TMEM131L: variants seen among roughly 807,000 people sequenced by gnomAD.
TMEM131L encodes the protein transmembrane protein 131-like.
A neutral mutation model predicts 192.2 loss-of-function variants in TMEM131L; 54 were observed. The observed-to-expected ratio is 0.28, with a 90% CI of 0.23 to 0.35. TMEM131L has a LOEUF of 0.35. TMEM131L is among the 10% of genes least tolerant of loss of function. TMEM131L has a pLI of 1.00. For synonymous variants in TMEM131L, 701 were observed against 704.9 expected, an observed-to-expected ratio of 0.99 and a Z score of 0.09; for missense variants, 1,888 against 1,972.9, an observed-to-expected ratio of 0.96 and a Z score of 0.82.
intron 3 of TMEM131L, among the ~76,000 whole-genome samples, chr4:153,499,951 A>C (rs557180238): frequency 6.6e-6 from 1 of 151,096 alleles, no homozygotes; most frequent in Non-Finnish European, 1.5e-5. Flanking sequence ...GTTTTACCTA[A>C]ATTTTTTTTT....
At chr4:153,534,917 G>C (rs781737598) in intron 3 of TMEM131L, among the ~76,000 whole-genome samples, 2 of 152,234 alleles carry the variant, frequency 1.3e-5, no homozygotes, top group African/African-American at 2.4e-5. Flanking sequence ...GACCTGGAGA[G>C]GGGTGTGGAG....
At chr4:153,566,745 A>G (rs9991772) in intron 7 of TMEM131L, among the ~76,000 whole-genome samples, 9,834 of 152,258 alleles carry the variant, frequency 0.065, 930 homozygotes, top group African/African-American at 0.2. Context: ...GTCTCCTTGC[A>G]GTGTTTTTTC....
intron 7 of TMEM131L, among the ~76,000 whole-genome samples, chr4:153,574,226 C>A (rs576076628): frequency 6.6e-6 from 1 of 152,104 alleles, no homozygotes; most frequent in Non-Finnish European, 1.5e-5. Context: ...TCAGCCACTT[C>A]CTAGGTTTTT....
At chr4:153,475,746 A>G (rs1364703633) in intron 3 of TMEM131L, among the ~76,000 whole-genome samples, 2 of 152,216 alleles carry the variant, frequency 1.3e-5, no homozygotes, top group African/African-American at 4.8e-5. Context: ...TTAATACAGT[A>G]TAAAAACTAT....
chr4:153,621,649 G>A (rs749968357), intron 27 of TMEM131L, 34 bp from the exon 28 acceptor site: 22 of 1,606,610 alleles, frequency 1.4e-5, no homozygotes, highest in Non-Finnish European at 1.9e-5. Flanking sequence ...ATAAAATACA[G>A]ATGTGTTTTT....
chr4:153,493,766 T>G (rs1242185780), intron 3 of TMEM131L, among the ~76,000 whole-genome samples: 1 of 152,190 alleles, frequency 6.6e-6, no homozygotes, highest in Non-Finnish European at 1.5e-5. Flanking sequence ...ATGCCTTAGT[T>G]TGCCCCTCTC....
intron 3 of TMEM131L, among the ~76,000 whole-genome samples, chr4:153,513,132 T>C (rs1734476403): frequency 6.6e-6 from 1 of 152,204 alleles, no homozygotes; most frequent in Non-Finnish European, 1.5e-5. Flanking sequence ...GGTCAGGGTA[T>C]TCTGTGGTCT....
At chr4:153,565,714 G>A (rs1006515015) in intron 7 of TMEM131L, among the ~76,000 whole-genome samples, 1 of 148,624 alleles carries the variant, frequency 6.7e-6, no homozygotes, top group Admixed American at 6.6e-5. Context: ...AGTCCCAACA[G>A]TAGAAAAAGA....
chr4:153,541,496 A>G (rs989648308), intron 3 of TMEM131L, among the ~76,000 whole-genome samples: 2 of 152,204 alleles, frequency 1.3e-5, no homozygotes, highest in Non-Finnish European at 2.9e-5. Flanking sequence ...GTGGGAATAT[A>G]GTACAGCCAG....
At chr4:153,468,705 C>T (rs1244376937) in intron 2 of TMEM131L, among the ~76,000 whole-genome samples, 1 of 152,102 alleles carries the variant, frequency 6.6e-6, no homozygotes, top group South Asian at 2.1e-4. Context: ...TTGCCTCTAC[C>T]CACTAGATGC....
At chr4:153,608,145 G>GA (rs912348884) in intron 25 of TMEM131L, among the ~76,000 whole-genome samples, 21 of 148,514 alleles carry the variant, frequency 1.4e-4, no homozygotes, top group East Asian at 9.8e-4. Flanking sequence ...AACAAAAAAT[G>GA]AAAAAAAAAA....
intron 25 of TMEM131L, among the ~76,000 whole-genome samples, chr4:153,610,544 C>T (rs1052330263): frequency 6.6e-6 from 1 of 152,154 alleles, no homozygotes; most frequent in African/African-American, 2.4e-5. Context: ...CCGTAAAAGC[C>T]TGCATTACTT....
intron 2 of TMEM131L, among the ~76,000 whole-genome samples, chr4:153,472,077 TA>T (rs140866546): frequency 2.6e-5 from 4 of 150,958 alleles, no homozygotes; most frequent in Admixed American, 6.6e-5. Flanking sequence ...CCATCAACAT[TA>T]AAAAAAAATA....
chr4:153,627,510 A>G (rs953352084), intron 30 of TMEM131L, 95 bp from the exon 31 acceptor site: 43 of 891,252 alleles, frequency 4.8e-5, no homozygotes, highest in Admixed American at 3.0e-4. Flanking sequence ...CAAGACTTCA[A>G]TTGAGTGAAA....
In TMEM131L at chr4:153,564,912, C is replaced by G. The variant is rs567969981; in HGVS notation, c.660+6544C>G. ...CTCCCTCCAGGCTCAGAGCTTCTAC[C>G]CCTCTTTTCTGAACTCTGGCCTCAC... On this transcript the variant is annotated intron_variant, in intron 7 of 34. Coordinates refer to ENST00000409959, the MANE Select transcript of TMEM131L (RefSeq NM_001131007.2). Among the ~76,000 whole-genome samples, 28 of 152,320 alleles carry G rather than the reference C, an allele frequency of 1.8e-4. No individual in the cohort carries two copies. The South Asian group carries it at 5.6e-3, about 30-fold the overall frequency.
At position 153,603,995 on chromosome 4, in the gene TMEM131L, G is replaced by T; in HGVS notation, c.2983G>T (p.Ala995Ser). 1.9e-6 allele frequency: 3 copies of T among 1,614,068 alleles called. No homozygotes were observed. The highest frequency in any genetic ancestry group is 2.5e-6 in the Non-Finnish European group (3 of 1,180,002). ...YSKHKTSTAA[A>S]SSTSTTTEEK... ...TAAACACAAAACCAGCACAGCTGCG[G>T]CCAGCAGCACCAGCACGACTACTGA... Residue 995 changes from alanine (A) to serine (S), a missense_variant, in exon 25 of 35, where the codon GCC (alanine) becomes TCC (serine). Physicochemically the swap from Ala to Ser is moderately conservative, Grantham distance 99 (BLOSUM62 1). Coordinates refer to ENST00000409959, the MANE Select transcript of TMEM131L (RefSeq NM_001131007.2).
chr4:153,558,339 G>A lies in TMEM131L; in HGVS notation c.631G>A (p.Val211Ile). Residue 211 changes from valine to isoleucine, a missense_variant, in exon 7 of 35, where the codon GTC becomes ATC. Coordinates refer to ENST00000409959, the MANE Select transcript of TMEM131L (RefSeq NM_001131007.2). ...AAATGCTTATTTTCTGCTTCCAAAG[G>A]TCCAGAGCATTCAGCTGTCTCAAAT... ...LPNAYFLLPKVQSIQLSQMQA... is the reference protein window; with the variant it reads ...LPNAYFLLPKIQSIQLSQMQA... 6.2e-7 allele frequency: 1 copy of A among 1,607,830 alleles called. No homozygotes were observed. The highest frequency in any genetic ancestry group is 8.5e-7 in the Non-Finnish European group (1 of 1,175,284).
intron 3 of TMEM131L, among the ~76,000 whole-genome samples, chr4:153,497,625 C>T (rs1008317131): frequency 6.6e-6 from 1 of 152,106 alleles, no homozygotes; most frequent in African/African-American, 2.4e-5. Context: ...TCAGGTAAAG[C>T]GTTTTCCATG....
intron 9 of TMEM131L, among the ~76,000 whole-genome samples, chr4:153,582,720 T>A (rs1316686208): frequency 6.6e-6 from 1 of 152,162 alleles, no homozygotes; most frequent in African/African-American, 2.4e-5. Flanking sequence ...TGAGGGCAGA[T>A]CCCTGACCCA....
Sources: allele counts gnomAD v4.1 joint callset (sites outside exome capture counted in the v4.1 genomes callset), GRCh38; gene constraint gnomAD v4.1.1; transcripts MANE v1.5; gene names NCBI Gene and HGNC (gene_info 2026-07-23, HGNC 2026-07-21).